NEXMIF: variants seen among roughly 807,000 people sequenced by gnomAD.
NEXMIF encodes the protein XLMR protein related to neurite extension.
NEXMIF carries 8 observed loss-of-function variants against 62.1 expected under a neutral mutation model. That is an observed-to-expected ratio of 0.13 (90% CI 0.08 to 0.23). The LOEUF is 0.23. Ranked by LOEUF, NEXMIF falls within the 10% of genes least tolerant of loss-of-function variation. NEXMIF has a pLI of 1.00. For synonymous variants in NEXMIF, 404 were observed against 416.6 expected (o/e 0.97, Z 0.37); for missense variants, 976 against 1,113.3 (o/e 0.88, Z 1.75).
chrX:74,877,183 C>G (rs1455630432), intron 1 of NEXMIF, among the ~76,000 whole-genome samples: 1 of 111,059 alleles, frequency 9.0e-6, no homozygotes, highest in Admixed American at 9.6e-5. Flanking sequence ...TTAGGGCAGG[C>G]CTGGTGGTGA....
At chrX:74,766,853 G>T (rs771207734) in intron 1 of NEXMIF, among the ~76,000 whole-genome samples, 1 of 112,190 alleles carries the variant, frequency 8.9e-6, no homozygotes, top group South Asian at 3.7e-4. Context: ...ATCTCTGTGT[G>T]TGGGTCTTCC....
chrX:74,770,749 A>T, intron 1 of NEXMIF, among the ~76,000 whole-genome samples: 1 of 112,308 alleles, frequency 8.9e-6, no homozygotes, highest in East Asian at 2.8e-4. Context: ...CCAATGGGGT[A>T]GACTTTGTTC....
intron 1 of NEXMIF, among the ~76,000 whole-genome samples, chrX:74,850,871 A>C (rs923745162): frequency 3.3e-4 from 37 of 110,794 alleles, no homozygotes; most frequent in Non-Finnish European, 6.2e-4. Context: ...AAAGATCCCC[A>C]AAAAAAGAGA....
intron 1 of NEXMIF, among the ~76,000 whole-genome samples, chrX:74,838,504 G>C (rs369791556): frequency 2.7e-5 from 3 of 112,443 alleles, no homozygotes; most frequent in African/African-American, 9.7e-5. Flanking sequence ...TATGCTCCCT[G>C]TGAAGTTTCC....
chrX:74,881,415 C>CAT (rs1430094229), intron 1 of NEXMIF, among the ~76,000 whole-genome samples: 1 of 103,017 alleles, frequency 9.7e-6, no homozygotes, highest in Non-Finnish European at 1.9e-5. Flanking sequence ...CACACACACA[C>CAT]ACACACACAG....
chrX:74,757,257 A>G (rs2080162216), intron 1 of NEXMIF, among the ~76,000 whole-genome samples: 1 of 112,069 alleles, frequency 8.9e-6, no homozygotes, highest in African/African-American at 3.2e-5. Context: ...GATACCGAAC[A>G]TTTTCATTAT....
At position 74,740,219 on chromosome X, in the gene NEXMIF, C is replaced by T. The variant is rs200805356; in HGVS notation, c.4338G>A (p.Lys1446=). ...TLGNNGPTHK[K]LYRHKSSSKA... Reference sequence around the variant, plus strand: ...TGGAGCTGGATTTGTGACGATACAACTTTTTGTGTGTCGGTCCGTTATTGC... The same window carrying T: ...TGGAGCTGGATTTGTGACGATACAATTTTTTGTGTGTCGGTCCGTTATTGC... The change falls in exon 3 of 4, where the codon AAG becomes AAA. Residue 1446 remains lysine (K), a synonymous_variant. Coordinates refer to ENST00000055682, the MANE Select transcript of NEXMIF (RefSeq NM_001008537.3). The T allele has an allele frequency of 1.5e-4, 176 of 1,209,527 alleles. No individual in the cohort carries two copies. The highest frequency in any genetic ancestry group is 1.9e-4 in the Non-Finnish European group (168 of 895,166).
chrX:74,825,523 G>A (rs1050297404), intron 1 of NEXMIF, among the ~76,000 whole-genome samples: 1 of 111,881 alleles, frequency 8.9e-6, no homozygotes, highest in Non-Finnish European at 1.9e-5. Context: ...TAAGGATAAT[G>A]GCCTCCAGCA....
At chrX:74,875,768 T>C (rs760700324) in intron 1 of NEXMIF, among the ~76,000 whole-genome samples, 3 of 112,264 alleles carry the variant, frequency 2.7e-5, no homozygotes, top group Non-Finnish European at 3.8e-5. Flanking sequence ...CTAGATTTTC[T>C]AGTTTATTTG....
intron 1 of NEXMIF, among the ~76,000 whole-genome samples, chrX:74,805,977 AT>A (rs910099499): frequency 4.9e-4 from 51 of 103,378 alleles, no homozygotes; most frequent in Middle Eastern, 9.9e-3. Context: ...TTGGCTATTC[AT>A]TTTTTTTTTG....
chrX:74,781,010 G>A (rs1291503108), intron 1 of NEXMIF, among the ~76,000 whole-genome samples: 1 of 111,747 alleles, frequency 8.9e-6, no homozygotes, highest in Non-Finnish European at 1.9e-5. Flanking sequence ...GTACATAAAT[G>A]TGTGAGAATA....
chrX:74,905,853 A>G (rs2080766560), intron 1 of NEXMIF, among the ~76,000 whole-genome samples: 2 of 112,008 alleles, frequency 1.8e-5, no homozygotes, highest in Admixed American at 1.9e-4. Context: ...AAAAATAAAG[A>G]CACAAATAAT....
chrX:74,819,770 A>G (rs1338290993), intron 1 of NEXMIF, among the ~76,000 whole-genome samples: 1 of 111,956 alleles, frequency 8.9e-6, no homozygotes, highest in East Asian at 2.8e-4. Context: ...ATTCTGGAAG[A>G]CAGTGTAGCG....
chrX:74,817,697 T>G (rs1386381978), intron 1 of NEXMIF, among the ~76,000 whole-genome samples: 1 of 111,522 alleles, frequency 9.0e-6, no homozygotes, highest in African/African-American at 3.3e-5. Flanking sequence ...ATAAAGGCAG[T>G]AATCATGCCA....
chrX:74,751,649 CTTCCTTCCT>C (rs1421654657), intron 1 of NEXMIF, among the ~76,000 whole-genome samples: 1 of 99,378 alleles, frequency 1.0e-5, no homozygotes, highest in Non-Finnish European at 2.0e-5. Context: ...TCCTTCCTTC[CTTCCTTCCT>C]TTCCTTCCTT....
intron 1 of NEXMIF, among the ~76,000 whole-genome samples, chrX:74,874,950 T>C (rs1165935479): frequency 1.8e-5 from 2 of 110,610 alleles, no homozygotes; most frequent in Non-Finnish European, 3.8e-5. Context: ...CAGGGACAAT[T>C]TGACTTCCTC....
chrX:74,751,893 G>T (rs1427331401), intron 1 of NEXMIF, among the ~76,000 whole-genome samples: 1 of 104,318 alleles, frequency 9.6e-6, no homozygotes, highest in Non-Finnish European at 1.9e-5. Flanking sequence ...CAAGGCTGGA[G>T]TGCAACAGCG....
intron 1 of NEXMIF, among the ~76,000 whole-genome samples, chrX:74,873,799 A>C (rs1288632065): frequency 9.0e-6 from 1 of 111,659 alleles, no homozygotes; most frequent in Non-Finnish European, 1.9e-5. Context: ...TTTTTTCAGA[A>C]ATGTCTGTTC....
intron 1 of NEXMIF, among the ~76,000 whole-genome samples, chrX:74,771,850 G>A (rs1381901905): frequency 9.0e-6 from 1 of 111,523 alleles, no homozygotes; most frequent in Non-Finnish European, 1.9e-5. Context: ...TATGTGTAAA[G>A]AAGTACAGTA....
Sources: gnomAD v4.1 joint callset for allele counts (sites outside exome capture counted in the v4.1 genomes callset) on GRCh38, gnomAD v4.1.1 for gene constraint, MANE v1.5 for transcripts, NCBI Gene and HGNC (gene_info 2026-07-23, HGNC 2026-07-21) for gene names.